The following DSCAM variants were observed in gnomAD, a reference collection of about 807,000 sequenced individuals.
DSCAM encodes DS cell adhesion molecule.
In DSCAM, 47 loss-of-function variants were observed where a neutral mutation model predicts 217.7. The ratio of observed to expected loss-of-function variants is 0.22; its 90% CI spans 0.17 to 0.28. The LOEUF is 0.28. Ranked by LOEUF, DSCAM falls within the 10% of genes least tolerant of loss-of-function variation. DSCAM has a pLI of 1.00. For synonymous variants in DSCAM, 1,056 were observed against 1,015.3 expected (o/e 1.04, Z -0.76); for missense variants, 2,080 against 2,618.3 (o/e 0.79, Z 4.49).
intron 3 of DSCAM, among the ~76,000 whole-genome samples, chr21:40,478,246 T>G (rs1446457880): frequency 6.6e-6 from 1 of 152,240 alleles, no homozygotes; most frequent in Non-Finnish European, 1.5e-5. Flanking sequence ...TTTAGCTGTT[T>G]GGGGGAATTT....
intron 3 of DSCAM, among the ~76,000 whole-genome samples, chr21:40,429,423 C>G (rs754514800): frequency 6.6e-6 from 1 of 151,926 alleles, no homozygotes; most frequent in African/African-American, 2.4e-5. Flanking sequence ...TGCACCACCA[C>G]GCCTGGCTAA....
intron 32 of DSCAM, among the ~76,000 whole-genome samples, chr21:40,039,302 T>TA (rs1392557615): frequency 7.0e-6 from 1 of 142,474 alleles, no homozygotes; most frequent in African/African-American, 2.6e-5. Flanking sequence ...GCAGATGAAA[T>TA]AAAAATCAAA....
chr21:40,672,194 A>G (rs914799984), intron 3 of DSCAM, among the ~76,000 whole-genome samples: 2 of 151,856 alleles, frequency 1.3e-5, no homozygotes, highest in Non-Finnish European at 2.9e-5. Context: ...ATACAGTCAC[A>G]TTGGGGGTTA....
chr21:40,063,975 G>A (rs2089166928), intron 27 of DSCAM, among the ~76,000 whole-genome samples: 1 of 152,032 alleles, frequency 6.6e-6, no homozygotes, highest in Admixed American at 6.5e-5. Context: ...ATGAAACAGG[G>A]CCCATATACT....
chr21:40,111,323 T>A (rs571281190), intron 20 of DSCAM, among the ~76,000 whole-genome samples: 9 of 151,876 alleles, frequency 5.9e-5, no homozygotes, highest in Admixed American at 4.6e-4. Flanking sequence ...CTAAGCTTCA[T>A]AAGTGAAGGA....
rs1159206344 is a variant in DSCAM, at chr21:40,533,693, C to T, written c.508+159117G>A. On this transcript the variant is annotated intron_variant, in intron 3 of 32. Transcript: ENST00000400454. ...TCCATCTGTCCATCCATCCATCCAT[C>T]CATTCATCCATCCATCCATCCACCC... Among the ~76,000 whole-genome samples, 4 of 151,376 alleles carry T rather than the reference C, an allele frequency of 2.6e-5. No individual in the cohort carries two copies. The South Asian group carries it at 8.4e-4, about 32-fold the overall frequency.
intron 3 of DSCAM, among the ~76,000 whole-genome samples, chr21:40,373,891 G>GA (rs2074924089): frequency 1.3e-5 from 2 of 152,166 alleles, no homozygotes; most frequent in South Asian, 4.2e-4. Flanking sequence ...TCTTCATCTA[G>GA]AAAAAAGAGA....
At chr21:40,736,669 G>A (rs1253159606) in intron 1 of DSCAM, among the ~76,000 whole-genome samples, 1 of 152,124 alleles carries the variant, frequency 6.6e-6, no homozygotes, top group African/African-American at 2.4e-5. Flanking sequence ...TTGTCATTCA[G>A]GACATCTCAA....
chr21:40,834,593 A>C (rs1017418201), intron 1 of DSCAM, among the ~76,000 whole-genome samples: 1 of 152,000 alleles, frequency 6.6e-6, no homozygotes, highest in African/African-American at 2.4e-5. Flanking sequence ...CCTCCATCAA[A>C]GACCTTTAGG....
At chr21:40,164,514 G>T (rs1232096817) in intron 16 of DSCAM, among the ~76,000 whole-genome samples, 1 of 152,124 alleles carries the variant, frequency 6.6e-6, no homozygotes, top group Admixed American at 6.5e-5. Flanking sequence ...AGATAAAAAG[G>T]GTGCCAGGTG....
intron 3 of DSCAM, among the ~76,000 whole-genome samples, chr21:40,592,768 C>T (rs460699): frequency 0.62 from 94,761 of 152,022 alleles, 29,741 homozygotes; most frequent in Admixed American, 0.66. Context: ...TTTTCTTCAC[C>T]GCACTTGTAT....
intron 11 of DSCAM, among the ~76,000 whole-genome samples, chr21:40,192,930 G>A (rs1250947199): frequency 6.6e-6 from 1 of 152,028 alleles, no homozygotes; most frequent in African/African-American, 2.4e-5. Flanking sequence ...TTTTTTCCAG[G>A]AGAGATTCCT....
At chr21:40,413,639 T>C (rs2075343564) in intron 3 of DSCAM, among the ~76,000 whole-genome samples, 1 of 152,196 alleles carries the variant, frequency 6.6e-6, no homozygotes, top group Non-Finnish European at 1.5e-5. Context: ...ATTCCAAAGA[T>C]ACAGGATGAC....
chr21:40,332,137 A>C (rs924617391), intron 8 of DSCAM, among the ~76,000 whole-genome samples: 3 of 152,010 alleles, frequency 2.0e-5, no homozygotes, highest in Non-Finnish European at 4.4e-5. Flanking sequence ...CAATTTAACA[A>C]ATGCTATCTC....
At chr21:40,321,237 C>A (rs938490103) in intron 8 of DSCAM, among the ~76,000 whole-genome samples, 1 of 152,316 alleles carries the variant, frequency 6.6e-6, no homozygotes, top group East Asian at 1.9e-4. Flanking sequence ...ATGCTGTTGA[C>A]TCCTAATCTA....
At chr21:40,090,387 G>C (rs1045434811) in intron 21 of DSCAM, among the ~76,000 whole-genome samples, 6 of 151,966 alleles carry the variant, frequency 3.9e-5, no homozygotes, top group African/African-American at 1.2e-4. Flanking sequence ...CAGTCAGCCT[G>C]CCCCTCACCT....
At chr21:40,545,617 T>G (rs2076576017) in intron 3 of DSCAM, among the ~76,000 whole-genome samples, 2 of 152,006 alleles carry the variant, frequency 1.3e-5, no homozygotes, top group Admixed American at 6.5e-5. Flanking sequence ...TTTCCTCATC[T>G]CTAAAACAGG....
chr21:40,685,661 C>T (rs1193804201), intron 3 of DSCAM, among the ~76,000 whole-genome samples: 1 of 152,212 alleles, frequency 6.6e-6, no homozygotes, highest in East Asian at 1.9e-4. Context: ...GCTGCTTTTG[C>T]TCCATAGCCT....
intron 14 of DSCAM, among the ~76,000 whole-genome samples, chr21:40,186,287 G>T (rs2090893842): frequency 6.6e-6 from 1 of 152,116 alleles, no homozygotes; most frequent in South Asian, 2.1e-4. Flanking sequence ...TATTAGATGG[G>T]TCACAACTGG....
Sources: gnomAD v4.1 joint callset for allele counts (sites outside exome capture counted in the v4.1 genomes callset) on GRCh38, gnomAD v4.1.1 for gene constraint, MANE v1.5 for transcripts, NCBI Gene and HGNC (gene_info 2026-07-23, HGNC 2026-07-21) for gene names.